Variants in ZBTB8A observed in about 807,000 individuals in gnomAD.
ZBTB8A encodes zinc finger and BTB domain-containing protein 8A.
ZBTB8A carries 19 observed loss-of-function variants against 37.8 expected under a neutral mutation model. The ratio of observed to expected loss-of-function variants is 0.50; its 90% CI spans 0.35 to 0.74. The LOEUF (loss-of-function observed/expected upper bound fraction) is 0.74, where lower values mean the gene tolerates loss of function less well. ZBTB8A is among the 30% of genes least tolerant of loss of function. ZBTB8A has a pLI of 0.01. For missense variants in ZBTB8A, 394 were observed against 537.8 expected (o/e 0.73, Z 2.65); for synonymous variants, 181 against 185.2 (o/e 0.98, Z 0.19).
At chr1:32,555,543 G>A (rs1168307118) in intron 2 of ZBTB8A, among the ~76,000 whole-genome samples, 1 of 152,070 alleles carries the variant, frequency 6.6e-6, no homozygotes, top group African/African-American at 2.4e-5. Context: ...GTGTCACAAA[G>A]CTCTCTTCAT....
intron 1 of ZBTB8A, among the ~76,000 whole-genome samples, chr1:32,541,388 T>A (rs1644053356): frequency 6.6e-6 from 1 of 152,146 alleles, no homozygotes; most frequent in Non-Finnish European, 1.5e-5. Flanking sequence ...GCCGTTCCCT[T>A]TGCCTGAAAT....
chr1:32,599,275 A>G (rs943639556), intron 4 of ZBTB8A, among the ~76,000 whole-genome samples: 2 of 151,730 alleles, frequency 1.3e-5, no homozygotes, highest in Non-Finnish European at 2.9e-5. Flanking sequence ...TTTTTTTTTA[A>G]TTAGCCAGGT....
intron 2 of ZBTB8A, among the ~76,000 whole-genome samples, chr1:32,581,854 C>CA (rs1403250742): frequency 6.6e-6 from 1 of 151,980 alleles, no homozygotes; most frequent in Admixed American, 6.6e-5. Flanking sequence ...GAGTGAGTGC[C>CA]AGCAGAGGAA....
At chr1:32,559,703 G>T (rs1359928439) in intron 2 of ZBTB8A, among the ~76,000 whole-genome samples, 1 of 152,060 alleles carries the variant, frequency 6.6e-6, no homozygotes, top group Non-Finnish European at 1.5e-5. Context: ...GGGCTCAAGC[G>T]ATTTGCCTGC....
chr1:32,547,539 T>C (rs972955380), intron 1 of ZBTB8A, among the ~76,000 whole-genome samples: 4 of 149,358 alleles, frequency 2.7e-5, no homozygotes, highest in African/African-American at 9.8e-5. Context: ...AAACATAAAC[T>C]TTTAGGTTGC....
intron 3 of ZBTB8A, among the ~76,000 whole-genome samples, chr1:32,594,362 G>A (rs1644513254): frequency 6.6e-6 from 1 of 151,740 alleles, no homozygotes; most frequent in South Asian, 2.1e-4. Context: ...ACTCTTAAAT[G>A]TTTAAAGCTC....
intron 2 of ZBTB8A, among the ~76,000 whole-genome samples, chr1:32,575,768 C>CTTGAGGCCAGGAGT (rs1404391932): frequency 6.6e-6 from 1 of 152,018 alleles, no homozygotes; most frequent in African/African-American, 2.4e-5. Flanking sequence ...GGGAGGATCA[C>CTTGAGGCCAGGAGT]TTGAGGCCAG....
At chr1:32,566,339 C>T (rs1644279126) in intron 2 of ZBTB8A, among the ~76,000 whole-genome samples, 1 of 151,806 alleles carries the variant, frequency 6.6e-6, no homozygotes, top group Non-Finnish European at 1.5e-5. Flanking sequence ...AATAGTGAGA[C>T]CCTATATCTA....
chr1:32,554,450 C>T (rs1644183704), intron 2 of ZBTB8A, among the ~76,000 whole-genome samples: 1 of 148,104 alleles, frequency 6.8e-6, no homozygotes, highest in African/African-American at 2.5e-5. Context: ...ATTTGAACTA[C>T]ATTTTAATCT....
chr1:32,562,593 A>C (rs1323173944), intron 2 of ZBTB8A, among the ~76,000 whole-genome samples: 1 of 55,466 alleles, frequency 1.8e-5, no homozygotes, highest in Non-Finnish European at 3.4e-5. Context: ...TTTTTTTTTG[A>C]TGAGACGAGT....
intron 2 of ZBTB8A, among the ~76,000 whole-genome samples, chr1:32,560,666 C>G (rs1020114154): frequency 1.5e-5 from 2 of 134,810 alleles, no homozygotes; most frequent in African/African-American, 5.7e-5. Context: ...CTCACCCAGG[C>G]TGGAGAAGTT....
At chr1:32,593,865 AT>A in intron 3 of ZBTB8A, 111 bp downstream of exon 3, 1 of 834,910 alleles carries the variant, frequency 1.2e-6, no homozygotes, top group East Asian at 2.7e-5. Context: ...GAAGCAAGTG[AT>A]TTTTTTCAAA....
rs1389011498 is a variant in ZBTB8A, at chr1:32,605,706, A to G, written c.*5287A>G. 7.4e-6 allele frequency: 1 copy of G among 136,030 alleles called. No individual in the cohort carries two copies. Among genetic ancestry groups the G allele is most frequent in the Non-Finnish European group, 1.6e-5 (1 of 63,790 alleles). The allele number at this position is 136,030 out of a possible 1,614,324, so 8.4% of individuals were successfully genotyped here. A position where few individuals can be genotyped will look rare whatever the true frequency, so the allele number is the denominator to read the frequency against. On this transcript the variant is annotated 3_prime_UTR_variant, in exon 5 of 5. Coordinates refer to ENST00000373510, the MANE Select transcript of ZBTB8A (RefSeq NM_001040441.3). ...GGTGACAGAGCGAGACTCCACCTCA[A>G]AAAAAAAAAAAAAAAAAAAAAAAAG...
At chr1:32,587,493 G>C (rs1644458470) in intron 2 of ZBTB8A, among the ~76,000 whole-genome samples, 1 of 148,948 alleles carries the variant, frequency 6.7e-6, no homozygotes, top group Admixed American at 6.7e-5. Flanking sequence ...TTAAGATGCT[G>C]TGATTGGCTG....
intron 1 of ZBTB8A, among the ~76,000 whole-genome samples, chr1:32,551,716 A>G (rs555880242): frequency 7.2e-5 from 11 of 152,136 alleles, no homozygotes; most frequent in Non-Finnish European, 1.5e-4. Context: ...TCTAAAAAAA[A>G]ATAAAAAGTT....
intron 2 of ZBTB8A, among the ~76,000 whole-genome samples, chr1:32,569,417 A>C (rs371892682): frequency 6.8e-5 from 8 of 118,098 alleles, no homozygotes; most frequent in African/African-American, 2.7e-4. Context: ...TTTTTGAGAC[A>C]GAGTCTTGCT....
chr1:32,544,243 G>A (rs1389724508), intron 1 of ZBTB8A, among the ~76,000 whole-genome samples: 1 of 152,238 alleles, frequency 6.6e-6, no homozygotes, highest in Non-Finnish European at 1.5e-5. Context: ...TTGTTGTTGT[G>A]TGAACATCAT....
intron 3 of ZBTB8A, 83 bp downstream of exon 3, chr1:32,593,837 C>T: frequency 2.8e-6 from 3 of 1,083,726 alleles, no homozygotes; most frequent in Non-Finnish European, 4.0e-6. Context: ...CCCTTAGTTT[C>T]AGGTGCTCTA....
rs1644577842 is a variant in ZBTB8A, at chr1:32,601,757, A to T, written c.*1338A>T. ...AGTCAAACCTCACCAGTTGGCAGTC[A>T]TTATAAAAATAAGCCAATCAGAATT... On this transcript the variant is annotated 3_prime_UTR_variant, in exon 5 of 5. Coordinates refer to ENST00000373510, the MANE Select transcript of ZBTB8A (RefSeq NM_001040441.3). 2.5e-6 allele frequency: 1 copy of T among 398,330 alleles called. No homozygotes were observed. The highest frequency in any genetic ancestry group is 2.1e-5 in the African/African-American group (1 of 48,750). The allele number at this position is 398,330 out of a possible 1,614,324, so 24.7% of individuals were successfully genotyped here. A position where few individuals can be genotyped will look rare whatever the true frequency, so the allele number is the denominator to read the frequency against.
Sources: allele counts gnomAD v4.1 joint callset (sites outside exome capture counted in the v4.1 genomes callset), GRCh38; gene constraint gnomAD v4.1.1; transcripts MANE v1.5; gene names NCBI Gene and HGNC (gene_info 2026-07-23, HGNC 2026-07-21).